PTPRN2: variants seen among roughly 807,000 people sequenced by gnomAD.
PTPRN2 encodes the protein protein tyrosine phosphatase receptor type N2.
In PTPRN2, 74 loss-of-function variants were observed where a neutral mutation model predicts 118.8. The observed-to-expected ratio is 0.62, with a 90% CI of 0.52 to 0.76. The LOEUF is 0.76. Among genes scored for constraint, PTPRN2 ranks in the 30% least tolerant of loss-of-function variants. The pLI, the probability that PTPRN2 is intolerant of heterozygous loss-of-function variation, is 0.00. For missense variants in PTPRN2, 1,481 were observed against 1,394.4 expected (o/e 1.06, Z -0.99); for synonymous variants, 641 against 608.0 (o/e 1.05, Z -0.80).
chr7:158,288,723 TA>T (rs1447469220), intron 3 of PTPRN2, among the ~76,000 whole-genome samples: 5 of 152,232 alleles, frequency 3.3e-5, no homozygotes, highest in African/African-American at 1.2e-4. Flanking sequence ...ACACCACCAT[TA>T]CAGTATTATT....
At chr7:157,920,095 C>T (rs1348294062) in intron 11 of PTPRN2, among the ~76,000 whole-genome samples, 2 of 152,064 alleles carry the variant, frequency 1.3e-5, no homozygotes, top group African/African-American at 2.4e-5. Context: ...CGCACAACGA[C>T]GAAATTGCCA....
Position 158,280,843 on chromosome 7 carries a change from C to G in PTPRN2, c.277+35976G>C, listed in dbSNP as rs561042731. The stretch of plus-strand genomic sequence containing the variant: ...AGACTGAAATGACAAAGATGGAAAG[C>G]GGGAGGGGAGGCCTCACGGCAGCTG... On this transcript the variant is annotated intron_variant, in intron 3 of 22. Coordinates refer to ENST00000389418, the MANE Select transcript of PTPRN2 (RefSeq NM_002847.5). Among the ~76,000 whole-genome samples, 3 of 152,272 alleles carry G rather than the reference C, an allele frequency of 2.0e-5. No homozygotes were observed. The South Asian group carries it at 6.2e-4, about 32-fold the overall frequency.
At chr7:158,406,075 A>T (rs1414443776) in intron 2 of PTPRN2, among the ~76,000 whole-genome samples, 1 of 88,080 alleles carries the variant, frequency 1.1e-5, no homozygotes, top group Non-Finnish European at 2.3e-5. Context: ...GAGATCCCGC[A>T]GTGGCTCATC....
rs1816601237 is a variant in PTPRN2 at position 158,114,876 on chromosome 7, A to G, written c.1557-3961T>C. On this transcript the variant is annotated intron_variant, in intron 9 of 22. Coordinates refer to ENST00000389418, the MANE Select transcript of PTPRN2 (RefSeq NM_002847.5). ...AAACAGCAAGCAAATGCCCTCGGGT[A>G]GCACAGTCACTCAGAGAACTTGAGA... 2.6e-5 allele frequency among the ~76,000 whole-genome samples: 4 copies of G among 152,326 alleles called. No homozygotes were observed. In the South Asian group the frequency reaches 8.3e-4, roughly 32 times the overall value.
At chr7:158,019,571 A>C (rs1452523581) in intron 11 of PTPRN2, among the ~76,000 whole-genome samples, 2 of 152,254 alleles carry the variant, frequency 1.3e-5, no homozygotes, top group Admixed American at 1.3e-4. Flanking sequence ...TCTTCTAAAA[A>C]ATTCAAAGAA....
chr7:158,021,640 C>G (rs2128876438), intron 11 of PTPRN2, among the ~76,000 whole-genome samples: 1 of 152,038 alleles, frequency 6.6e-6, no homozygotes, highest in South Asian at 2.1e-4. Context: ...TCTGGAAGAG[C>G]CAGCCCTGCC....
intron 16 of PTPRN2, 131 bp from the exon 17 acceptor site, chr7:157,595,446 C>G: frequency 5.2e-6 from 4 of 762,550 alleles, no homozygotes; most frequent in Admixed American, 2.8e-5. Flanking sequence ...TTAAGAAACC[C>G]GGAGGTTAGG....
In PTPRN2 at chr7:158,214,764, A is replaced by T. The variant is rs532524227; in HGVS notation, c.278-9491T>A. Among the ~76,000 whole-genome samples, 6 of 152,054 alleles carry T rather than the reference A, an allele frequency of 3.9e-5. No homozygotes were observed. In the South Asian group the frequency reaches 1.2e-3, roughly 32 times the overall value. ...GAAACTCCCACCCCTCTCCCTAACC[A>T]ATCAGTAAAAAGACCCCACCTTCAG... On this transcript the variant is annotated intron_variant, in intron 3 of 22. Coordinates refer to ENST00000389418, the MANE Select transcript of PTPRN2 (RefSeq NM_002847.5).
intron 2 of PTPRN2, among the ~76,000 whole-genome samples, chr7:158,402,242 T>C (rs1344707049): frequency 6.6e-6 from 1 of 152,132 alleles, no homozygotes; most frequent in African/African-American, 2.4e-5. Context: ...GACCAGGGTA[T>C]ACAGGTGCTG....
chr7:157,902,297 G>C lies in PTPRN2; in HGVS notation c.1724-3560C>G, dbSNP rs1298810372. The stretch of plus-strand genomic sequence containing the variant: ...GGCTGCAGTGGAACACTCATGAGAA[G>C]TGTGGTGCCGCCAACCCTGCAGTGG... On this transcript the variant is annotated intron_variant, in intron 11 of 22. Coordinates refer to ENST00000389418, the MANE Select transcript of PTPRN2 (RefSeq NM_002847.5). Among the ~76,000 whole-genome samples the C allele has an allele frequency of 2.0e-5, 3 of 152,282 alleles. No homozygotes were observed. In the East Asian group the frequency reaches 5.8e-4, roughly 29 times the overall value.
chr7:158,522,908 G>T (rs1335052573), intron 1 of PTPRN2, among the ~76,000 whole-genome samples: 1 of 152,220 alleles, frequency 6.6e-6, no homozygotes, highest in Non-Finnish European at 1.5e-5. Flanking sequence ...CCTGCCGTGA[G>T]AAGGGAGAGG....
intron 12 of PTPRN2, among the ~76,000 whole-genome samples, chr7:157,694,135 C>T (rs1288346294): frequency 6.6e-6 from 1 of 152,244 alleles, no homozygotes; most frequent in Non-Finnish European, 1.5e-5. Flanking sequence ...CTTCCGTTGT[C>T]TCAGTGTTTC....
chr7:158,154,292 T>A (rs1821494731), intron 6 of PTPRN2, among the ~76,000 whole-genome samples: 1 of 152,220 alleles, frequency 6.6e-6, no homozygotes, highest in East Asian at 1.9e-4. Context: ...TCCAGCCTCT[T>A]CCAGCCTCAT....
chr7:157,628,502 T>C (rs1374453601), intron 14 of PTPRN2, among the ~76,000 whole-genome samples: 2 of 152,232 alleles, frequency 1.3e-5, no homozygotes, highest in Non-Finnish European at 2.9e-5. Flanking sequence ...GACTTTGTGT[T>C]GATAGAGTTC....
chr7:158,192,614 C>T (rs1319346326), intron 4 of PTPRN2, 119 bp from the exon 5 acceptor site: 8 of 1,162,174 alleles, frequency 6.9e-6, no homozygotes, highest in Non-Finnish European at 8.3e-6. Context: ...CGGTGGCCGG[C>T]CTGGCCTTGC....
intron 4 of PTPRN2, among the ~76,000 whole-genome samples, chr7:158,193,725 C>T (rs73746421): frequency 0.02 from 3,051 of 152,094 alleles, 108 homozygotes; most frequent in African/African-American, 0.068. Flanking sequence ...AGGACTCAGC[C>T]GCCCAGAGCT....
At chr7:158,384,850 C>T (rs1811212224) in intron 2 of PTPRN2, among the ~76,000 whole-genome samples, 1 of 152,246 alleles carries the variant, frequency 6.6e-6, no homozygotes, top group African/African-American at 2.4e-5. Flanking sequence ...GTCAGAGGGC[C>T]GACCAAACAC....
chr7:158,155,793 A>ACACCATCATCAT (rs1821765740), intron 6 of PTPRN2, among the ~76,000 whole-genome samples: 1 of 124,086 alleles, frequency 8.1e-6, no homozygotes. Context: ...ACCATCATCA[A>ACACCATCATCAT]CACCATCATC....
intron 2 of PTPRN2, among the ~76,000 whole-genome samples, chr7:158,441,501 G>A (rs1370086905): frequency 1.4e-4 from 20 of 147,428 alleles, no homozygotes; most frequent in Non-Finnish European, 2.7e-4. Context: ...TGATAGTGAT[G>A]GTGATGGCAG....
Sources: gnomAD v4.1 joint callset for allele counts (sites outside exome capture counted in the v4.1 genomes callset) on GRCh38, gnomAD v4.1.1 for gene constraint, MANE v1.5 for transcripts, NCBI Gene and HGNC (gene_info 2026-07-23, HGNC 2026-07-21) for gene names.